The following SPMIP4 variants were observed in gnomAD, a reference collection of about 807,000 sequenced individuals.
SPMIP4 encodes sperm microtubule inner protein 4.
the SPMIP4 span, among the ~76,000 whole-genome samples, chr7:25,164,345 T>A: frequency 6.6e-6 from 1 of 152,184 alleles, no homozygotes; most frequent in African/African-American, 2.4e-5. Flanking sequence ...GCAGGATGAC[T>A]GATCCTGAAT....
chr7:25,157,337 T>C, the SPMIP4 span, among the ~76,000 whole-genome samples: 2 of 152,168 alleles, frequency 1.3e-5, no homozygotes, highest in African/African-American at 2.4e-5. Context: ...GGAGTATAAA[T>C]CCAGATGCCT....
chr7:25,148,978 A>G, the SPMIP4 span, among the ~76,000 whole-genome samples: 1 of 152,268 alleles, frequency 6.6e-6, no homozygotes, highest in African/African-American at 2.4e-5. Context: ...TGAGACACAG[A>G]AACAGCCAGA....
the SPMIP4 span, among the ~76,000 whole-genome samples, chr7:25,175,935 G>A: frequency 1.3e-5 from 2 of 152,118 alleles, no homozygotes; most frequent in Non-Finnish European, 2.9e-5. Flanking sequence ...GGGGTTAAGA[G>A]GAGGGGTTCT....
the SPMIP4 span, among the ~76,000 whole-genome samples, chr7:25,133,610 A>T: frequency 8.0e-3 from 1,215 of 152,336 alleles, 14 homozygotes; most frequent in African/African-American, 0.027. Context: ...GTCTTTGTAG[A>T]TATTCGGATG....
the SPMIP4 span, chr7:25,179,366 CGAGTCA>C: frequency 6.4e-7 from 1 of 1,568,944 alleles, no homozygotes; most frequent in Non-Finnish European, 8.7e-7. Context: ...TTTGGCTTGT[CGAGTCA>C]AGGCAGGCAG....
the SPMIP4 span, among the ~76,000 whole-genome samples, chr7:25,131,385 A>C: frequency 6.6e-6 from 1 of 152,214 alleles, no homozygotes; most frequent in Non-Finnish European, 1.5e-5. The surrounding 1 kb of genome is among the most constrained non-coding windows in gnomAD (Gnocchi z 4.2). Context: ...TGATCCTAAA[A>C]TCATCCTCCC....
At chr7:25,147,781 C>T in the SPMIP4 span, among the ~76,000 whole-genome samples, 4 of 152,102 alleles carry the variant, frequency 2.6e-5, no homozygotes, top group South Asian at 2.1e-4. Flanking sequence ...TATGAACTTA[C>T]GATGTACCAA....
chr7:25,154,199 T>C, the SPMIP4 span, among the ~76,000 whole-genome samples: 1 of 152,236 alleles, frequency 6.6e-6, no homozygotes, highest in Non-Finnish European at 1.5e-5. Flanking sequence ...AGGCTGACGA[T>C]GGCAATATTC....
chr7:25,142,516 A>T, the SPMIP4 span: 1 of 943,392 alleles, frequency 1.1e-6, no homozygotes, highest in Non-Finnish European at 1.5e-6. Flanking sequence ...TCTTATTTAA[A>T]TACTTTAGGA....
chr7:25,134,889 A>G, the SPMIP4 span: 5 of 985,282 alleles, frequency 5.1e-6, no homozygotes, highest in Non-Finnish European at 6.0e-6. Context: ...CCCCAGTATT[A>G]TTTCACCATG....
chr7:25,134,872 C>T, the SPMIP4 span: 2 of 985,206 alleles, frequency 2.0e-6, no homozygotes, highest in Non-Finnish European at 2.4e-6. Flanking sequence ...CATTGTTGCT[C>T]CGATTTCCCC....
chr7:25,134,874 G>C, the SPMIP4 span: 7 of 985,122 alleles, frequency 7.1e-6, no homozygotes, highest in Non-Finnish European at 8.4e-6. Context: ...TTGTTGCTCC[G>C]ATTTCCCCAG....
chr7:25,166,165 A>G, the SPMIP4 span, among the ~76,000 whole-genome samples: 3 of 151,054 alleles, frequency 2.0e-5, no homozygotes, highest in Non-Finnish European at 2.9e-5. Context: ...CCGAACAATG[A>G]GCCTATTTCT....
chr7:25,142,280 T>G, the SPMIP4 span: 363 of 1,613,340 alleles, frequency 2.2e-4, 2 homozygotes, highest in Non-Finnish European at 2.6e-4. Flanking sequence ...TTAACTCTGC[T>G]ACCATCTTTT....
chr7:25,168,540 A>G, the SPMIP4 span: 1 of 1,210,482 alleles, frequency 8.3e-7, no homozygotes, highest in South Asian at 1.6e-5. Flanking sequence ...GATTGCATAA[A>G]ATTCCTACCA....
chr7:25,163,868 T>G, the SPMIP4 span, among the ~76,000 whole-genome samples: 1 of 152,220 alleles, frequency 6.6e-6, no homozygotes, highest in African/African-American at 2.4e-5. The surrounding 1 kb of genome is among the most constrained non-coding windows in gnomAD (Gnocchi z 4.4). Context: ...TCAGTAAACT[T>G]ACTAAATGTC....
the SPMIP4 span, chr7:25,158,568 G>A: frequency 1.3e-6 from 2 of 1,574,496 alleles, no homozygotes; most frequent in Non-Finnish European, 1.7e-6. Context: ...AACTTATATT[G>A]AGGGCTTTTA....
the SPMIP4 span, among the ~76,000 whole-genome samples, chr7:25,141,791 G>A: frequency 1.3e-4 from 19 of 151,814 alleles, no homozygotes; most frequent in Non-Finnish European, 2.4e-4. Context: ...AGGCTGGAGC[G>A]CAGTGGCACG....
At chr7:25,140,483 G>A in the SPMIP4 span, among the ~76,000 whole-genome samples, 1 of 152,070 alleles carries the variant, frequency 6.6e-6, no homozygotes, top group Non-Finnish European at 1.5e-5. Context: ...TGTATTTTTA[G>A]TAGAGACAGG....
Sources: allele counts gnomAD v4.1 joint callset (sites outside exome capture counted in the v4.1 genomes callset), GRCh38; gene constraint gnomAD v4.1.1; non-coding constraint Gnocchi (gnomAD v3.1); transcripts MANE v1.5; gene names NCBI Gene and HGNC (gene_info 2026-07-23, HGNC 2026-07-21).